The following USP12 variants were observed in gnomAD, a reference collection of about 807,000 sequenced individuals.
USP12 encodes ubiquitin specific peptidase 12.
A neutral mutation model predicts 45.5 loss-of-function variants in USP12; 19 were observed. That is an observed-to-expected ratio of 0.42 (90% confidence interval 0.29 to 0.61). The LOEUF is 0.61. USP12 is among the 20% of genes least tolerant of loss of function. USP12 has a pLI of 0.22. For missense variants in USP12, 242 were observed against 447.7 expected (o/e 0.54, Z 4.15); for synonymous variants, 149 against 148.8 (o/e 1.00, Z -0.01).
intron 2 of USP12, among the ~76,000 whole-genome samples, chr13:27,110,127 TAAAAA>T (rs1555234986): frequency 8.4e-6 from 1 of 119,620 alleles, no homozygotes; most frequent in Non-Finnish European, 1.7e-5. Context: ...CTTTTCCAGG[TAAAAA>T]AAAAAAAAAA....
intron 6 of USP12, 59 bp downstream of exon 6, chr13:27,089,824 C>G (rs1874232756): frequency 1.3e-6 from 2 of 1,542,710 alleles, no homozygotes; most frequent in Non-Finnish European, 1.8e-6. Context: ...CTAAGCCCAC[C>G]TCCAACATCA....
chr13:27,084,333 C>CCGT (rs979499599), intron 6 of USP12, among the ~76,000 whole-genome samples: 3 of 151,424 alleles, frequency 2.0e-5, no homozygotes, highest in Admixed American at 6.6e-5. Flanking sequence ...TGGTGTAACC[C>CCGT]CGTCTCTACT....
intron 1 of USP12, among the ~76,000 whole-genome samples, chr13:27,141,667 TA>T (rs1877064862): frequency 6.6e-6 from 1 of 152,024 alleles, no homozygotes; most frequent in Non-Finnish European, 1.5e-5. Flanking sequence ...CATGCTACTC[TA>T]AAAAATAAAT....
chr13:27,158,115 C>T (rs6491185), intron 1 of USP12, among the ~76,000 whole-genome samples: 7,256 of 152,198 alleles, frequency 0.048, 216 homozygotes, highest in Middle Eastern at 0.054. Context: ...AGGGTCTTTA[C>T]AGAAGTAATC....
At chr13:27,105,606 T>C (rs748885806) in intron 3 of USP12, 125 bp downstream of exon 3, 1 of 889,394 alleles carries the variant, frequency 1.1e-6, no homozygotes, top group East Asian at 2.5e-5. Context: ...AGGCGTGTCA[T>C]CCTTGTTTCT....
At chr13:27,076,755 A>T (rs1365914500) in intron 6 of USP12, among the ~76,000 whole-genome samples, 1 of 152,198 alleles carries the variant, frequency 6.6e-6, no homozygotes, top group Admixed American at 6.5e-5. Flanking sequence ...TGAAAAAAAA[A>T]ATCATTTTAT....
intron 1 of USP12, among the ~76,000 whole-genome samples, chr13:27,163,902 G>A (rs1333900153): frequency 2.6e-5 from 4 of 151,800 alleles, no homozygotes; most frequent in Non-Finnish European, 4.4e-5. Context: ...CAGGGGTCAA[G>A]AGGACTACTT....
intron 6 of USP12, among the ~76,000 whole-genome samples, chr13:27,082,153 C>CT (rs1031140014): frequency 5.8e-5 from 8 of 138,194 alleles, no homozygotes; most frequent in Non-Finnish European, 1.2e-4. Flanking sequence ...TAAACACCCT[C>CT]TTTTTCCAAT....
At chr13:27,072,155 A>G (rs1304472127) in intron 7 of USP12, among the ~76,000 whole-genome samples, 1 of 152,202 alleles carries the variant, frequency 6.6e-6, no homozygotes, top group Non-Finnish European at 1.5e-5. Flanking sequence ...TTCTTAAAAA[A>G]GCATTTAATG....
chr13:27,155,273 G>T (rs554874056), intron 1 of USP12, among the ~76,000 whole-genome samples: 1 of 151,710 alleles, frequency 6.6e-6, no homozygotes, highest in South Asian at 2.1e-4. Flanking sequence ...AGTAGAGACA[G>T]GGTTTCACCA....
intron 1 of USP12, among the ~76,000 whole-genome samples, chr13:27,136,655 T>C (rs548446476): frequency 1.3e-5 from 2 of 152,338 alleles, no homozygotes; most frequent in East Asian, 3.9e-4. Context: ...GACTTCTAAG[T>C]GTATACCTAT....
chr13:27,160,906 A>G (rs1350827191), intron 1 of USP12, among the ~76,000 whole-genome samples: 9 of 152,038 alleles, frequency 5.9e-5, no homozygotes, highest in African/African-American at 2.2e-4. Flanking sequence ...CCCCGGGTTA[A>G]GCCCAGCATC....
chr13:27,149,732 A>G (rs1209943728), intron 1 of USP12, among the ~76,000 whole-genome samples: 2 of 152,252 alleles, frequency 1.3e-5, no homozygotes, highest in African/African-American at 4.8e-5. Context: ...CCTTTTCGGC[A>G]TCAGGAACCA....
At chr13:27,103,607 A>AAAAAAAAAAAAT (rs372985958) in intron 3 of USP12, among the ~76,000 whole-genome samples, 2 of 128,516 alleles carry the variant, frequency 1.6e-5, no homozygotes, top group African/African-American at 2.9e-5. Context: ...TCAAAAAAAA[A>AAAAAAAAAAAAT]AATAATAATA....
intron 1 of USP12, among the ~76,000 whole-genome samples, chr13:27,152,157 A>G (rs1877596944): frequency 1.3e-5 from 2 of 152,218 alleles, no homozygotes; most frequent in Admixed American, 6.5e-5. Context: ...AACAAAACAT[A>G]TGTCCATAAA....
chr13:27,082,576 G>T (rs1405939043), intron 6 of USP12, among the ~76,000 whole-genome samples: 1 of 152,154 alleles, frequency 6.6e-6, no homozygotes, highest in Non-Finnish European at 1.5e-5. Flanking sequence ...TGGCTGTTTG[G>T]TGCAAGAGGC....
chr13:27,122,652 AAAATAAAT>A (rs376672232), intron 1 of USP12, among the ~76,000 whole-genome samples: 4 of 151,518 alleles, frequency 2.6e-5, no homozygotes, highest in African/African-American at 4.9e-5. Flanking sequence ...ACCCCATCTC[AAAATAAAT>A]AAATAAATAA....
At chr13:27,095,545 A>C in intron 4 of USP12, 56 bp downstream of exon 4, 1 of 1,257,066 alleles carries the variant, frequency 8.0e-7, no homozygotes, top group Admixed American at 2.9e-5. Flanking sequence ...CTCAAAGAAC[A>C]ACCTTTAACA....
intron 8 of USP12, among the ~76,000 whole-genome samples, chr13:27,070,643 T>A (rs1158320729): frequency 2.6e-5 from 4 of 151,338 alleles, no homozygotes; most frequent in Non-Finnish European, 5.9e-5. Context: ...AACCTCCGCC[T>A]CCCGGGTTCA....
Sources: gnomAD v4.1 joint callset for allele counts (sites outside exome capture counted in the v4.1 genomes callset) on GRCh38, gnomAD v4.1.1 for gene constraint, MANE v1.5 for transcripts, NCBI Gene and HGNC (gene_info 2026-07-23, HGNC 2026-07-21) for gene names.